CSMD3: variants seen among roughly 807,000 people sequenced by gnomAD.
CSMD3 encodes the protein CUB and sushi domain-containing protein 3.
In CSMD3, 177 loss-of-function variants were observed where a neutral mutation model predicts 435.2. The ratio of observed to expected loss-of-function variants is 0.41; its 90% CI spans 0.36 to 0.46. The LOEUF (loss-of-function observed/expected upper bound fraction) is 0.46. CSMD3 is among the 20% of genes least tolerant of loss of function. The pLI, the probability that CSMD3 is intolerant of heterozygous loss-of-function variation, is 0.34. For synonymous variants in CSMD3, 1,656 were observed against 1,520.5 expected (o/e 1.09, Z -2.07); for missense variants, 4,265 against 4,504.6 (o/e 0.95, Z 1.52).
intron 4 of CSMD3, among the ~76,000 whole-genome samples, chr8:113,131,560 T>C (rs972328269): frequency 2.0e-5 from 3 of 151,998 alleles, no homozygotes; most frequent in Non-Finnish European, 2.9e-5. Flanking sequence ...TCACAGGATG[T>C]ATGGAAACAC....
Position 112,341,627 on chromosome 8 carries a change from G to A in CSMD3, c.6502C>T (p.Arg2168Ter), listed in dbSNP as rs1825124850. The change falls in exon 42 of 71, where the codon CGA becomes TGA. Residue 2168 changes from arginine to a stop codon, truncating the protein, a stop_gained. Coordinates refer to ENST00000297405, the MANE Select transcript of CSMD3 (RefSeq NM_198123.2). LOFTEE classifies it high-confidence loss of function. ...GTACTAGTTTCTGAGGATCCACTTCGTACTTCCAAATAATCATGTATGGTT... is the reference window on the plus strand; with the variant it reads ...GTACTAGTTTCTGAGGATCCACTTCATACTTCCAAATAATCATGTATGGTT... ...TETIHDYLEVRSGSSETSTVI... is the reference protein window; with the variant it reads ...TETIHDYLEV 6.2e-7 allele frequency: 1 copy of A among 1,613,106 alleles called. No homozygotes were observed. Among genetic ancestry groups the A allele is most frequent in the Non-Finnish European group, 8.5e-7 (1 of 1,179,222 alleles).
At chr8:113,323,600 A>G (rs2093963411) in intron 1 of CSMD3, among the ~76,000 whole-genome samples, 1 of 152,230 alleles carries the variant, frequency 6.6e-6, no homozygotes, top group Non-Finnish European at 1.5e-5. Context: ...ATGTACTTAT[A>G]AAAAGTATCT....
At chr8:112,588,627 T>C (rs1242064113) in intron 22 of CSMD3, among the ~76,000 whole-genome samples, 4 of 151,974 alleles carry the variant, frequency 2.6e-5, no homozygotes, top group African/African-American at 9.7e-5. Context: ...AACAATAAAA[T>C]AAAAAATAGC....
chr8:113,156,732 C>A (rs201857975), intron 4 of CSMD3, among the ~76,000 whole-genome samples: 5 of 105,754 alleles, frequency 4.7e-5, no homozygotes, highest in Non-Finnish European at 7.6e-5. Flanking sequence ...AAAATCTCAC[C>A]TAAATAAATA....
chr8:112,291,422 A>G (rs1462863838), intron 56 of CSMD3, 88 bp downstream of exon 56: 11 of 908,004 alleles, frequency 1.2e-5, no homozygotes, highest in Non-Finnish European at 1.8e-5. Context: ...TCTGTGATAT[A>G]TATCTTTAGG....
At chr8:112,446,226 G>C (rs1188624873) in intron 32 of CSMD3, among the ~76,000 whole-genome samples, 1 of 152,132 alleles carries the variant, frequency 6.6e-6, no homozygotes, top group Non-Finnish European at 1.5e-5. Flanking sequence ...TGTGTCCCCT[G>C]ATTGCATGCC....
chr8:113,071,400 C>T (rs958573069), intron 5 of CSMD3, among the ~76,000 whole-genome samples: 5 of 151,790 alleles, frequency 3.3e-5, no homozygotes, highest in Admixed American at 6.6e-5. Flanking sequence ...TTGCACATAT[C>T]GAAGTCAAGA....
chr8:113,230,561 A>T (rs2093074376), intron 3 of CSMD3, among the ~76,000 whole-genome samples: 1 of 151,558 alleles, frequency 6.6e-6, no homozygotes. Flanking sequence ...TAAATAGGTG[A>T]TCCAAAGACC....
chr8:112,438,031 C>T (rs1814570585), intron 32 of CSMD3, among the ~76,000 whole-genome samples: 1 of 152,146 alleles, frequency 6.6e-6, no homozygotes, highest in African/African-American at 2.4e-5. Flanking sequence ...CATGAACTTC[C>T]CTCACAATTC....
At chr8:112,349,943 T>C (rs1230817875) in intron 40 of CSMD3, among the ~76,000 whole-genome samples, 2 of 152,100 alleles carry the variant, frequency 1.3e-5, no homozygotes, top group African/African-American at 4.8e-5. Flanking sequence ...AGGGCCTTAA[T>C]GAAGGTACTT....
chr8:113,099,653 C>T (rs2090273463), intron 4 of CSMD3, among the ~76,000 whole-genome samples: 2 of 152,036 alleles, frequency 1.3e-5, no homozygotes, highest in Non-Finnish European at 2.9e-5. Flanking sequence ...ACTAACCTTA[C>T]ATTTGGAACT....
rs573275630 is a variant in CSMD3 at position 113,041,391 on chromosome 8, G to A, written c.918-22212C>T. On this transcript the variant is annotated intron_variant, in intron 5 of 70. Transcript: ENST00000297405. ...CCACTCTCACTTCTCATCCACCCTC[G>A]CCTTGGGATGTCATTGTGCTGCCCT... 2.0e-5 allele frequency among the ~76,000 whole-genome samples: 3 copies of A among 151,946 alleles called. No individual in the cohort carries two copies. In the East Asian group the frequency reaches 5.8e-4, roughly 29 times the overall value.
At chr8:113,428,855 A>G (rs2094652687) in intron 1 of CSMD3, among the ~76,000 whole-genome samples, 1 of 151,908 alleles carries the variant, frequency 6.6e-6, no homozygotes, top group African/African-American at 2.4e-5. Context: ...GTTTCCATTT[A>G]CAAACTTCCT....
chr8:112,426,893 C>G (rs188812695), intron 32 of CSMD3, among the ~76,000 whole-genome samples: 1 of 152,272 alleles, frequency 6.6e-6, no homozygotes, highest in Non-Finnish European at 1.5e-5. Context: ...TCACTCTTTT[C>G]AGGTAATCGT....
At chr8:113,436,347 A>G (rs1222404185) in intron 1 of CSMD3, among the ~76,000 whole-genome samples, 3 of 152,216 alleles carry the variant, frequency 2.0e-5, no homozygotes, top group Non-Finnish European at 2.9e-5. Flanking sequence ...CAAGAAATCA[A>G]GGTAATCCTC....
chr8:112,820,604 A>T (rs1357097474), intron 12 of CSMD3, among the ~76,000 whole-genome samples: 2 of 151,976 alleles, frequency 1.3e-5, no homozygotes, highest in Admixed American at 1.3e-4. Flanking sequence ...CATTGAATGA[A>T]CAGCCTAAAA....
At chr8:113,145,557 T>TAA (rs1274782243) in intron 4 of CSMD3, among the ~76,000 whole-genome samples, 9 of 151,750 alleles carry the variant, frequency 5.9e-5, no homozygotes, top group African/African-American at 2.2e-4. Flanking sequence ...CACTAAAATA[T>TAA]AAATTGATGG....
chr8:113,233,888 A>C (rs1190848050), intron 3 of CSMD3, among the ~76,000 whole-genome samples: 2 of 152,096 alleles, frequency 1.3e-5, no homozygotes, highest in African/African-American at 4.8e-5. Flanking sequence ...TTAGATAAAA[A>C]GATCAGAGTA....
intron 6 of CSMD3, among the ~76,000 whole-genome samples, chr8:113,014,726 A>G (rs1381916859): frequency 2.0e-5 from 3 of 152,128 alleles, no homozygotes; most frequent in Admixed American, 6.6e-5. Context: ...ATCTGATCTC[A>G]GTCTTAAGAC....
Sources: gnomAD v4.1 joint callset for allele counts (sites outside exome capture counted in the v4.1 genomes callset) on GRCh38, gnomAD v4.1.1 for gene constraint, MANE v1.5 for transcripts, NCBI Gene and HGNC (gene_info 2026-07-23, HGNC 2026-07-21) for gene names.